METTL9: variants seen among roughly 807,000 people sequenced by gnomAD.
The protein encoded by METTL9 is methyltransferase 9, His-X-His N1(pi)-histidine.
A neutral mutation model predicts 36.0 loss-of-function variants in METTL9; 10 were observed. The ratio of observed to expected loss-of-function variants is 0.28; its 90% CI spans 0.17 to 0.47. The LOEUF is 0.47. Ranked by LOEUF, METTL9 falls within the 20% of genes least tolerant of loss-of-function variation. The pLI, the probability that METTL9 is intolerant of heterozygous loss-of-function variation, is 0.99. For missense variants in METTL9, 246 were observed against 383.5 expected, an observed-to-expected ratio of 0.64 and a Z score of 3.00; for synonymous variants, 175 against 149.7, an observed-to-expected ratio of 1.17 and a Z score of -1.23.
chr16:21,637,104 A>G (rs1966118640), intron 4 of METTL9, among the ~76,000 whole-genome samples: 1 of 152,134 alleles, frequency 6.6e-6, no homozygotes. Flanking sequence ...AAGCTTCCAC[A>G]GTATGGAAGG....
intron 4 of METTL9, among the ~76,000 whole-genome samples, chr16:21,648,890 C>T (rs1163314859): frequency 6.6e-6 from 1 of 152,132 alleles, no homozygotes; most frequent in East Asian, 1.9e-4. Flanking sequence ...TTTCTCTTAG[C>T]GTTTCTCTTA....
rs1965044135 is a variant in METTL9 at position 21,599,607 on chromosome 16, G to T, written c.-127G>T. 7.5e-7 allele frequency: 1 copy of T among 1,328,622 alleles called. No individual in the cohort carries two copies. Among genetic ancestry groups the T allele is most frequent in the South Asian group, 2.0e-5 (1 of 50,726 alleles). The allele number at this position is 1,328,622 out of a possible 1,614,324, so 82.3% of individuals were successfully genotyped here. The stretch of plus-strand genomic sequence containing the variant: ...CACCCCCAGCCTTTGCCCTGAAGGG[G>T]GCTGGATGGGCAAGGCGGCCGCGAT... On this transcript the variant is annotated 5_prime_UTR_variant, in exon 1 of 5. Coordinates refer to ENST00000358154, the MANE Select transcript of METTL9 (RefSeq NM_016025.5). This position sits in a 1 kb window ranked among gnomAD's most constrained non-coding sequence, Gnocchi z 4.4.
chr16:21,597,482 A>T (rs866217366), upstream of METTL9, among the ~76,000 whole-genome samples: 1 of 152,212 alleles, frequency 6.6e-6, no homozygotes, highest in Non-Finnish European at 1.5e-5. Context: ...TATAAAACAA[A>T]ATCTGCTCCT....
chr16:21,620,656 C>G (rs1965671624), intron 3 of METTL9, among the ~76,000 whole-genome samples: 2 of 152,112 alleles, frequency 1.3e-5, no homozygotes, highest in African/African-American at 4.8e-5. Context: ...AATTTTTTCC[C>G]TAATATACAG....
At chr16:21,617,840 C>G in intron 2 of METTL9, 25 bp from the exon 3 acceptor site, 2 of 1,604,678 alleles carry the variant, frequency 1.2e-6, no homozygotes, top group Non-Finnish European at 8.5e-7. Context: ...TAGACACTTC[C>G]ATTTTTGTCC....
At chr16:21,628,097 A>G (rs557824887) in intron 4 of METTL9, among the ~76,000 whole-genome samples, 1 of 152,356 alleles carries the variant, frequency 6.6e-6, no homozygotes, top group African/African-American at 2.4e-5. Context: ...GTTCCCAATT[A>G]TAAATAACTT....
At chr16:21,629,796 A>G (rs1965904679) in intron 4 of METTL9, among the ~76,000 whole-genome samples, 1 of 152,180 alleles carries the variant, frequency 6.6e-6, no homozygotes, top group Admixed American at 6.5e-5. Context: ...CCCCACCCAC[A>G]GCCTGCTGAT....
intron 4 of METTL9, among the ~76,000 whole-genome samples, chr16:21,630,177 C>T (rs527901861): frequency 5.3e-5 from 8 of 152,340 alleles, no homozygotes; most frequent in East Asian, 1.9e-4. Context: ...GCACTGGCTG[C>T]GGGACTTTGC....
Position 21,612,732 on chromosome 16 carries a change from T to C in METTL9, c.253T>C (p.Leu85=). 1 of 1,613,496 alleles carries C rather than the reference T, an allele frequency of 6.2e-7. No homozygotes were observed. The highest frequency in any genetic ancestry group is 8.5e-7 in the Non-Finnish European group (1 of 1,179,828). The part of the protein sequence containing the change: ...SYLDQGTQIF[L]NNSIEKSGWL... ...CCTTGATCAAGGAACACAGATCTTCTTAAACAACAGCATTGAGAAATCGGG... is the reference window on the plus strand; with the variant it reads ...CCTTGATCAAGGAACACAGATCTTCCTAAACAACAGCATTGAGAAATCGGG... Residue 85 remains leucine (L), a synonymous_variant, in exon 2 of 5, where the codon TTA becomes CTA. Coordinates refer to ENST00000358154, the MANE Select transcript of METTL9 (RefSeq NM_016025.5).
chr16:21,599,620 A>T lies in METTL9; in HGVS notation c.-114A>T, dbSNP rs539247118. The T allele has an allele frequency of 2.3e-5, 31 of 1,333,420 alleles. No homozygotes were observed. In the South Asian group the frequency reaches 5.2e-4, roughly 22 times the overall value. The allele number at this position is 1,333,420 out of a possible 1,614,324, so 82.6% of individuals were successfully genotyped here. A position where few individuals can be genotyped will look rare whatever the true frequency, so the allele number is the denominator to read the frequency against. On this transcript the variant is annotated 5_prime_UTR_variant, in exon 1 of 5. The change creates a new upstream start codon in the 5' untranslated region. Coordinates refer to ENST00000358154, the MANE Select transcript of METTL9 (RefSeq NM_016025.5). The surrounding 1 kb of genome is among the most constrained non-coding windows in gnomAD (Gnocchi z 4.4). ...TGCCCTGAAGGGGGCTGGATGGGCAAGGCGGCCGCGATGGCTCGAGCTCGG... is the reference window on the plus strand; with the variant it reads ...TGCCCTGAAGGGGGCTGGATGGGCATGGCGGCCGCGATGGCTCGAGCTCGG...
In METTL9 at chr16:21,599,963, C is replaced by T; in HGVS notation, c.165+65C>T. On this transcript the variant is annotated intron_variant, in intron 1 of 4. Transcript: ENST00000358154. This position sits in a 1 kb window ranked among gnomAD's most constrained non-coding sequence, Gnocchi z 4.4. ...CCCGGCCTTCCCGCGCTGGGCCCGGCTATTGTGCGGGACGGCTCCGCGAGG... is the reference window on the plus strand; with the variant it reads ...CCCGGCCTTCCCGCGCTGGGCCCGGTTATTGTGCGGGACGGCTCCGCGAGG... The T allele has an allele frequency of 8.0e-7, 1 of 1,255,100 alleles. No homozygotes were observed. Among genetic ancestry groups the T allele is most frequent in the Non-Finnish European group, 1.0e-6 (1 of 999,014 alleles). The allele number at this position is 1,255,100 out of a possible 1,614,324, so 77.7% of individuals were successfully genotyped here.
chr16:21,617,227 G>T (rs1326657593), intron 2 of METTL9, among the ~76,000 whole-genome samples: 1 of 151,608 alleles, frequency 6.6e-6, no homozygotes, highest in Non-Finnish European at 1.5e-5. Flanking sequence ...GACCATCCTG[G>T]CTAACATGGT....
At chr16:21,612,894 C>A in intron 2 of METTL9, 59 bp downstream of exon 2, 1 of 1,416,940 alleles carries the variant, frequency 7.1e-7, no homozygotes, top group Admixed American at 2.5e-5. Context: ...AAAGGAAAAA[C>A]ACAAAAAGAA....
chr16:21,636,847 A>G (rs1034305879), intron 4 of METTL9, among the ~76,000 whole-genome samples: 1 of 152,118 alleles, frequency 6.6e-6, no homozygotes, highest in Non-Finnish European at 1.5e-5. Flanking sequence ...GAAAAATAGG[A>G]CAGAATAGCA....
chr16:21,635,476 T>C (rs767153815), intron 4 of METTL9, among the ~76,000 whole-genome samples: 8 of 149,506 alleles, frequency 5.4e-5, no homozygotes, highest in Non-Finnish European at 8.9e-5. Context: ...TGTATAGTTG[T>C]GTATTCTCGT....
intron 2 of METTL9, among the ~76,000 whole-genome samples, chr16:21,614,025 C>G (rs1222943765): frequency 6.6e-6 from 1 of 152,040 alleles, no homozygotes; most frequent in African/African-American, 2.4e-5. Flanking sequence ...GACTGGATCC[C>G]CAGTGTATCA....
At chr16:21,631,916 G>A (rs190687217) in intron 4 of METTL9, among the ~76,000 whole-genome samples, 2 of 152,224 alleles carry the variant, frequency 1.3e-5, no homozygotes, top group African/African-American at 4.8e-5. Flanking sequence ...CTTTCTCTTT[G>A]ACTTTTTCTT....
At chr16:21,606,530 A>C (rs1190340974) in intron 1 of METTL9, among the ~76,000 whole-genome samples, 2 of 152,104 alleles carry the variant, frequency 1.3e-5, no homozygotes, top group African/African-American at 4.8e-5. Context: ...CCAGGACCCC[A>C]TAGTTTAGGG....
intron 3 of METTL9, 119 bp from the exon 4 acceptor site, chr16:21,624,807 TATAAC>T (rs1965783093): frequency 1.2e-6 from 1 of 840,274 alleles, no homozygotes; most frequent in Non-Finnish European, 1.9e-6. Flanking sequence ...AAACATAAAT[TATAAC>T]AGAAGATTTT....
Sources: allele counts gnomAD v4.1 joint callset (sites outside exome capture counted in the v4.1 genomes callset), GRCh38; gene constraint gnomAD v4.1.1; non-coding constraint Gnocchi (gnomAD v3.1); transcripts MANE v1.5; gene names NCBI Gene and HGNC (gene_info 2026-07-23, HGNC 2026-07-21).